Variants in CAST observed in about 807,000 individuals in gnomAD.
CAST encodes calpastatin.
In CAST, 76 loss-of-function variants were observed where a neutral mutation model predicts 119.6. The observed-to-expected ratio is 0.64, with a 90% CI of 0.53 to 0.77. The LOEUF is 0.77. Among genes scored for constraint, CAST ranks in the 30% least tolerant of loss-of-function variants. The pLI is 0.00. For missense variants in CAST, 953 were observed against 946.5 expected, an observed-to-expected ratio of 1.01 and a Z score of -0.09; for synonymous variants, 319 against 331.6, an observed-to-expected ratio of 0.96 and a Z score of 0.41.
At chr5:96,746,953 C>T (rs116569083) in intron 17 of CAST, among the ~76,000 whole-genome samples, 80 of 152,242 alleles carry the variant, frequency 5.3e-4, no homozygotes, top group African/African-American at 1.9e-3. Context: ...AGTTATGAAA[C>T]CTCATATCCA....
chr5:96,166,899 G>A, the CAST span, among the ~76,000 whole-genome samples: 5 of 152,162 alleles, frequency 3.3e-5, no homozygotes, highest in African/African-American at 1.2e-4. Flanking sequence ...AATGTTTGGA[G>A]AGATAAGGGG....
chr5:96,433,739 AT>A, the CAST span, among the ~76,000 whole-genome samples: 1 of 152,160 alleles, frequency 6.6e-6, no homozygotes, highest in African/African-American at 2.4e-5. Flanking sequence ...TACTGTCCCA[AT>A]TCTGTTCTAA....
At chr5:96,257,258 A>G in the CAST span, among the ~76,000 whole-genome samples, 1 of 152,188 alleles carries the variant, frequency 6.6e-6, no homozygotes, top group East Asian at 1.9e-4. Context: ...ACATCAAAGC[A>G]GTTCTAGAGT....
the CAST span, among the ~76,000 whole-genome samples, chr5:96,026,695 A>C: frequency 2.0e-5 from 3 of 152,226 alleles, no homozygotes; most frequent in Admixed American, 1.3e-4. Context: ...AGATAAATTA[A>C]TTAACTTGTC....
chr5:96,445,664 A>G, the CAST span, among the ~76,000 whole-genome samples: 1 of 152,162 alleles, frequency 6.6e-6, no homozygotes, highest in East Asian at 1.9e-4. Context: ...TTAAGTTCCC[A>G]GTCAGGTCTT....
At chr5:96,536,765 C>T (rs1439941179) in intron 1 of CAST, among the ~76,000 whole-genome samples, 1 of 152,162 alleles carries the variant, frequency 6.6e-6, no homozygotes, top group Non-Finnish European at 1.5e-5. Flanking sequence ...ATGAGAAATG[C>T]TCCCCTCCCA....
chr5:96,022,717 A>G, the CAST span, among the ~76,000 whole-genome samples: 2 of 152,212 alleles, frequency 1.3e-5, no homozygotes, highest in African/African-American at 2.4e-5. Flanking sequence ...GACTTAGTTT[A>G]AAGAATTGAC....
At chr5:96,662,734 G>A (rs1487218064) in intron 1 of CAST, among the ~76,000 whole-genome samples, 1 of 152,194 alleles carries the variant, frequency 6.6e-6, no homozygotes, top group Non-Finnish European at 1.5e-5. Context: ...AGTGGAGGGG[G>A]GGACGCGTCA....
intron 11 of CAST, among the ~76,000 whole-genome samples, chr5:96,738,833 G>A (rs1762154141): frequency 6.6e-6 from 1 of 151,752 alleles, no homozygotes; most frequent in Non-Finnish European, 1.5e-5. Context: ...TACTCAGGAG[G>A]CTGAGGCAGG....
chr5:96,430,159 G>A, the CAST span, among the ~76,000 whole-genome samples: 2 of 152,112 alleles, frequency 1.3e-5, no homozygotes, highest in Non-Finnish European at 2.9e-5. Context: ...CTACATTTAG[G>A]GCAGTTGTCC....
chr5:96,090,568 C>T, the CAST span, among the ~76,000 whole-genome samples: 5 of 152,108 alleles, frequency 3.3e-5, no homozygotes, highest in Admixed American at 2.0e-4. Flanking sequence ...GAATCTTTTT[C>T]CCCAAGGTCT....
chr5:96,063,302 A>G, the CAST span, among the ~76,000 whole-genome samples: 29 of 152,220 alleles, frequency 1.9e-4, no homozygotes. Flanking sequence ...AGGGCAGCCC[A>G]CAGCAAATGG....
At chr5:96,261,637 C>T in the CAST span, among the ~76,000 whole-genome samples, 2 of 152,076 alleles carry the variant, frequency 1.3e-5, no homozygotes, top group African/African-American at 4.8e-5. Flanking sequence ...GATTAGCATC[C>T]AAGATGGAAT....
intron 1 of CAST, among the ~76,000 whole-genome samples, chr5:96,664,522 A>G (rs1280738454): frequency 6.6e-6 from 1 of 152,104 alleles, no homozygotes; most frequent in Admixed American, 6.6e-5. Context: ...TCAGCCTCCC[A>G]AAATGTTGGA....
the CAST span, among the ~76,000 whole-genome samples, chr5:96,147,316 A>C: frequency 4.6e-5 from 7 of 152,212 alleles, no homozygotes; most frequent in African/African-American, 1.7e-4. Context: ...TGTTACAAAT[A>C]ATTTGGGGCC....
intron 1 of CAST, chr5:96,663,293 A>C (rs1330782202): frequency 2.9e-6 from 2 of 692,634 alleles, no homozygotes; most frequent in South Asian, 3.0e-5. Context: ...AGGGGTGCGG[A>C]CCGGGTGCGA....
chr5:96,695,673 G>T, intron 2 of CAST, 163 bp from the exon 3 acceptor site: 1 of 480,072 alleles, frequency 2.1e-6, no homozygotes, highest in Non-Finnish European at 3.9e-6. Flanking sequence ...ATCATCTTCA[G>T]GCAAAGTAAC....
chr5:96,314,724 G>T, the CAST span, among the ~76,000 whole-genome samples: 43 of 152,160 alleles, frequency 2.8e-4, no homozygotes, highest in African/African-American at 9.6e-4. Flanking sequence ...CCCTTTTCTT[G>T]TTTTAAGTCC....
chr5:96,668,800 T>C (rs1204153653), intron 1 of CAST, among the ~76,000 whole-genome samples: 1 of 130,232 alleles, frequency 7.7e-6, no homozygotes, highest in Non-Finnish European at 1.5e-5. Flanking sequence ...AGGGAATTGG[T>C]TACCCAGGTA....
Sources: gnomAD v4.1 joint callset for allele counts (sites outside exome capture counted in the v4.1 genomes callset) on GRCh38, gnomAD v4.1.1 for gene constraint, MANE v1.5 for transcripts, NCBI Gene and HGNC (gene_info 2026-07-23, HGNC 2026-07-21) for gene names.